Variants in VWCE observed in about 807,000 individuals in gnomAD.
VWCE encodes the protein von Willebrand factor C and EGF domain-containing protein.
A neutral mutation model predicts 102.9 loss-of-function variants in VWCE; 68 were observed. The observed-to-expected ratio is 0.66, with a 90% CI of 0.54 to 0.81. VWCE has a LOEUF of 0.81. Among genes scored for constraint, VWCE ranks in the 30% least tolerant of loss-of-function variants. The probability of loss-of-function intolerance (pLI) is 0.00; values close to 1 mark genes in which losing one functional copy is unlikely to be tolerated. For synonymous variants in VWCE, 497 were observed against 515.4 expected, an observed-to-expected ratio of 0.96 and a Z score of 0.48; for missense variants, 1,137 against 1,263.6, an observed-to-expected ratio of 0.90 and a Z score of 1.52.
At chr11:61,285,677 G>C (rs904429437) in intron 5 of VWCE, among the ~76,000 whole-genome samples, 3 of 152,128 alleles carry the variant, frequency 2.0e-5, no homozygotes, top group African/African-American at 7.2e-5. Flanking sequence ...CCTTCCCCAG[G>C]TTGGTCGGCC....
rs760319476 is a variant in VWCE at position 61,282,842 on chromosome 11, T to C, written c.605A>G (p.Lys202Arg). ...GTGGAAGCCAGTTCGACAGGAACAC[T>C]TGTAGCTGCCAATGCTGTTTTTACA... The part of the protein sequence containing the change: ...QRCKNSIGSY[K>R]CSCRTGFHLH... The change falls in exon 6 of 20, where the codon AAG (lysine) becomes AGG (arginine). Residue 202 changes from lysine to arginine, a missense_variant. Lys to Arg is a conservative substitution (Grantham distance 26, BLOSUM62 2). Transcript: ENST00000335613. 2 of 1,614,212 alleles carry C rather than the reference T, an allele frequency of 1.2e-6. No individual in the cohort carries two copies. Among genetic ancestry groups the C allele is most frequent in the South Asian group, 1.1e-5 (1 of 91,090 alleles).
chr11:61,295,292 C>T lies in VWCE; in HGVS notation c.-255G>A, dbSNP rs1222353327. Reference sequence around the variant, plus strand: ...AACACACAAAGGCAACGCCGCCCGCCTGCTGATGCCTCTCCGAGAGGCGCG... The same window carrying T: ...AACACACAAAGGCAACGCCGCCCGCTTGCTGATGCCTCTCCGAGAGGCGCG... On this transcript the variant is annotated 5_prime_UTR_variant, in exon 1 of 20. Transcript: ENST00000335613. This position sits in a 1 kb window ranked among gnomAD's most constrained non-coding sequence, Gnocchi z 4.6. 1.2e-5 allele frequency: 4 copies of T among 337,720 alleles called. No individual in the cohort carries two copies. In the Admixed American group the frequency reaches 1.5e-4, roughly 12 times the overall value. 20.9% of individuals were successfully genotyped at this position (337,720 alleles called of 1,614,324 possible).
In VWCE at chr11:61,294,913, G is replaced by A; in HGVS notation, c.110+15C>T. On this transcript the variant is annotated intron_variant, in intron 1 of 19. Transcript: ENST00000335613. This position sits in a 1 kb window ranked among gnomAD's most constrained non-coding sequence, Gnocchi z 6.3. ...CTCCCGGGCGGGGGAGCGGGGAGGA[G>A]CTCCGGGCGCTTACCTCTCGGCCGC... The A allele has an allele frequency of 1.4e-6, 2 of 1,388,524 alleles. No homozygotes were observed. The highest frequency in any genetic ancestry group is 3.0e-5 in the African/African-American group (2 of 66,708). The allele number at this position is 1,388,524 out of a possible 1,614,324, so 86.0% of individuals were successfully genotyped here. A position where few individuals can be genotyped will look rare whatever the true frequency, so the allele number is the denominator to read the frequency against.
intron 15 of VWCE, 45 bp from the exon 16 acceptor site, chr11:61,267,589 G>A: frequency 6.3e-7 from 1 of 1,595,422 alleles, no homozygotes; most frequent in African/African-American, 1.3e-5. Flanking sequence ...GAGTGGCCAG[G>A]CACCAGGCTT....
At position 61,287,396 on chromosome 11, in the gene VWCE, G is replaced by A. The variant is rs118160936; in HGVS notation, c.425-966C>T. Among the ~76,000 whole-genome samples the A allele has an allele frequency of 3.4e-3, 514 of 152,334 alleles. 1 individual carries two copies. The highest frequency in any genetic ancestry group is 0.014 in the Middle Eastern group (4 of 294). On this transcript the variant is annotated intron_variant, in intron 4 of 19. Coordinates refer to ENST00000335613, the MANE Select transcript of VWCE (RefSeq NM_152718.2). ...ACGTTTCCAATGGCCCTGGCCCTCA[G>A]GGCAACCCCAAAGGGCCCTCAAACG...
intron 5 of VWCE, among the ~76,000 whole-genome samples, chr11:61,283,116 G>A (rs1323770574): frequency 1.3e-5 from 2 of 152,080 alleles, no homozygotes; most frequent in African/African-American, 2.4e-5. Context: ...CCCTTAGCCC[G>A]GCCACATTCA....
chr11:61,289,229 T>C (rs1855423436), intron 4 of VWCE, among the ~76,000 whole-genome samples: 1 of 151,872 alleles, frequency 6.6e-6, no homozygotes, highest in Admixed American at 6.6e-5. Flanking sequence ...AGCAACCACA[T>C]ATGTAACTGC....
At chr11:61,270,990 C>T (rs1370804614) in intron 14 of VWCE, among the ~76,000 whole-genome samples, 1 of 151,902 alleles carries the variant, frequency 6.6e-6, no homozygotes, top group Non-Finnish European at 1.5e-5. Context: ...ACCACAGGGG[C>T]ATGTCACTAC....
At position 61,262,697 on chromosome 11, in the gene VWCE, C is replaced by T. The variant is rs574089362; in HGVS notation, c.2230+1790G>A. ...ATCCACAGATCTGAAGAGCTGCCCC[C>T]GAAAACAGAACATACTCTTCAAAAG... is the stretch of plus-strand genomic sequence containing the variant. On this transcript the variant is annotated intron_variant, in intron 19 of 19. Transcript: ENST00000335613. Among the ~76,000 whole-genome samples, 40 of 152,192 alleles carry T rather than the reference C, an allele frequency of 2.6e-4. No individual in the cohort carries two copies. In the South Asian group the frequency reaches 7.9e-3, roughly 30 times the overall value.
Position 61,264,969 on chromosome 11 carries a change from C to T in VWCE, c.2126G>A (p.Arg709Gln), listed in dbSNP as rs761830360. 8 of 1,613,902 alleles carry T rather than the reference C, an allele frequency of 5.0e-6. No individual in the cohort carries two copies. The highest frequency in any genetic ancestry group is 1.3e-5 in the African/African-American group (1 of 75,066). ...VFTLDDEPCT[R>Q]CTCQLGEVSC... ...GGCCCAGCTCACCTGGCACGTGCACCGGGTGCAGGGTTCATCATCCAAGGT... is the reference window on the plus strand; with the variant it reads ...GGCCCAGCTCACCTGGCACGTGCACTGGGTGCAGGGTTCATCATCCAAGGT... The change falls in exon 18 of 20, where the codon CGG (arginine) becomes CAG (glutamine). Residue 709 changes from arginine (R) to glutamine (Q), a missense_variant. Arg to Gln is a conservative substitution (Grantham distance 43, BLOSUM62 1). This residue lies in a region of VWCE where 316 missense variants were observed against 319.3 expected (regional missense o/e 0.99). Transcript: ENST00000335613.
intron 4 of VWCE, 28 bp downstream of exon 4, chr11:61,290,771 C>G (rs1430554467): frequency 6.3e-7 from 1 of 1,585,118 alleles, no homozygotes; most frequent in Non-Finnish European, 8.6e-7. Flanking sequence ...TCCCCCTCCC[C>G]CTCCCCCACC....
At chr11:61,280,514 C>T (rs918787473) in intron 9 of VWCE, 110 bp downstream of exon 9, 62 of 1,144,712 alleles carry the variant, frequency 5.4e-5, no homozygotes, top group Non-Finnish European at 7.7e-5. Flanking sequence ...TTAGTAAACC[C>T]TCCAGGAGAT....
Position 61,274,483 on chromosome 11 carries a change from C to T in VWCE, c.1581+16G>A, listed in dbSNP as rs764613219. ...TCCATCAATTCCACAGGCTTTGGGACGCTCAGCCACCATACCTGGCAAACA... is the reference window on the plus strand; with the variant it reads ...TCCATCAATTCCACAGGCTTTGGGATGCTCAGCCACCATACCTGGCAAACA... On this transcript the variant is annotated intron_variant, in intron 12 of 19. Coordinates refer to ENST00000335613, the MANE Select transcript of VWCE (RefSeq NM_152718.2). 41 of 1,610,966 alleles carry T rather than the reference C, an allele frequency of 2.5e-5. No individual in the cohort carries two copies. Among genetic ancestry groups the T allele is most frequent in the Middle Eastern group, 1.6e-4 (1 of 6,080 alleles).
At chr11:61,272,761 G>A (rs562237901) in intron 13 of VWCE, among the ~76,000 whole-genome samples, 39 of 150,076 alleles carry the variant, frequency 2.6e-4, no homozygotes, top group Non-Finnish European at 4.2e-4. Flanking sequence ...TTACTCTCAC[G>A]CAGACACACT....
chr11:61,269,141 C>T (rs957730720), intron 14 of VWCE, 123 bp from the exon 15 acceptor site: 17 of 847,956 alleles, frequency 2.0e-5, no homozygotes, highest in Non-Finnish European at 3.0e-5. Flanking sequence ...CAACATGACG[C>T]GGCTGGAAGA....
chr11:61,280,889 T>A lies in VWCE; in HGVS notation c.1134A>T (p.Arg378=). Residue 378 remains arginine (R), a synonymous_variant, in exon 8 of 20, where the codon CGA becomes CGT. Transcript: ENST00000335613. ...AGCAGGGAGAGGGCCCTGCTGCCAGTCGGGGGGACTCAGGGCCCCTGGGTG... is the reference window on the plus strand; with the variant it reads ...AGCAGGGAGAGGGCCCTGCTGCCAGACGGGGGGACTCAGGGCCCCTGGGTG... ...PSSPRGPESP[R]LAAGPSPCWH... is the part of the protein sequence containing the mutation. The A allele has an allele frequency of 6.5e-7, 1 of 1,531,188 alleles. No individual in the cohort carries two copies. The highest frequency in any genetic ancestry group is 8.8e-7 in the Non-Finnish European group (1 of 1,141,062). 94.9% of individuals were successfully genotyped at this position (1,531,188 alleles called of 1,614,324 possible). A position where few individuals can be genotyped will look rare whatever the true frequency, so the allele number is the denominator to read the frequency against.
At chr11:61,293,642 C>T (rs888392848) in intron 1 of VWCE, among the ~76,000 whole-genome samples, 7 of 152,166 alleles carry the variant, frequency 4.6e-5, no homozygotes, top group Non-Finnish European at 1.0e-4. Flanking sequence ...AATGGTGTTC[C>T]ACCAATGTTC....
Position 61,293,241 on chromosome 11 carries a change from CAAAAAAA to C in VWCE, c.111-1672_111-1666del, listed in dbSNP as rs764741197. Among the ~76,000 whole-genome samples, 150 of 18,020 alleles carry C rather than the reference CAAAAAAA, an allele frequency of 8.3e-3. 1 individual carries two copies. In the East Asian group the frequency reaches 0.091, roughly 11 times the overall value. 11.8% of individuals were successfully genotyped at this position (18,020 alleles called of 152,430 possible). Reference sequence around the variant, plus strand: ...GGGCAACAAGAGCAAAACTCCATCTCAAAAAAAAAAAAAAAAAAAAAAAAAATTAGCC... The same window carrying C: ...GGGCAACAAGAGCAAAACTCCATCTCAAAAAAAAAAAAAAAAAAATTAGCC... On this transcript the variant is annotated intron_variant, in intron 1 of 19. Coordinates refer to ENST00000335613, the MANE Select transcript of VWCE (RefSeq NM_152718.2).
rs945391825 is a variant in VWCE at position 61,280,682 on chromosome 11, T to C, written c.1266A>G (p.Glu422=). The C allele has an allele frequency of 6.2e-7, 1 of 1,613,834 alleles. No homozygotes were observed. The highest frequency in any genetic ancestry group is 1.3e-5 in the African/African-American group (1 of 74,848). ...GKVTCEKVRC[E]AACSHPIPSR... The stretch of plus-strand genomic sequence containing the variant: ...AGGGAATTGGGTGGGAACAAGCAGC[T>C]TCACACCTCACCTTTTCACAGGTCA... The change falls in exon 9 of 20, where the codon GAA becomes GAG. Residue 422 remains glutamate, a synonymous_variant. Coordinates refer to ENST00000335613, the MANE Select transcript of VWCE (RefSeq NM_152718.2).
Sources: allele counts gnomAD v4.1 joint callset (sites outside exome capture counted in the v4.1 genomes callset), GRCh38; gene constraint gnomAD v4.1.1; regional missense constraint gnomAD v4.1.1; non-coding constraint Gnocchi (gnomAD v3.1); transcripts MANE v1.5; gene names NCBI Gene and HGNC (gene_info 2026-07-23, HGNC 2026-07-21).